The following ATP8B4 variants were observed in gnomAD, a reference collection of about 807,000 sequenced individuals.
The protein encoded by ATP8B4 is ATPase phospholipid transporting 8B4 (putative).
In ATP8B4, 133 loss-of-function variants were observed where a neutral mutation model predicts 145.6. The ratio of observed to expected loss-of-function variants is 0.91; its 90% CI spans 0.79 to 1.05. The LOEUF (loss-of-function observed/expected upper bound fraction) is 1.05. ATP8B4 is among the 50% of genes least tolerant of loss of function. ATP8B4 has a pLI of 0.00. For missense variants in ATP8B4, 1,458 were observed against 1,425.2 expected (o/e 1.02, Z -0.37); for synonymous variants, 507 against 492.9 (o/e 1.03, Z -0.38).
At chr15:50,163,120 C>T (rs2044545732) in intron 1 of ATP8B4, among the ~76,000 whole-genome samples, 1 of 152,240 alleles carries the variant, frequency 6.6e-6, no homozygotes. Context: ...GGGTCGGTCA[C>T]TAGTGCCTTA....
intron 12 of ATP8B4, among the ~76,000 whole-genome samples, chr15:49,977,689 T>C (rs2045792243): frequency 6.6e-6 from 1 of 152,154 alleles, no homozygotes; most frequent in African/African-American, 2.4e-5. Context: ...TATTTTATGG[T>C]ATATTATAGA....
intron 6 of ATP8B4, among the ~76,000 whole-genome samples, chr15:50,034,469 A>C (rs1291978484): frequency 6.6e-6 from 1 of 152,094 alleles, no homozygotes; most frequent in East Asian, 1.9e-4. Context: ...ATCTCAGGTT[A>C]TCCACCTTCT....
chr15:49,958,388 T>C (rs141834725), intron 14 of ATP8B4, among the ~76,000 whole-genome samples: 28 of 151,432 alleles, frequency 1.8e-4, no homozygotes, highest in Admixed American at 5.9e-4. Context: ...AACAAAAAAC[T>C]GTAAGGAACG....
At chr15:49,885,409 T>C (rs1834462313) in intron 23 of ATP8B4, among the ~76,000 whole-genome samples, 1 of 152,216 alleles carries the variant, frequency 6.6e-6, no homozygotes, top group South Asian at 2.1e-4. Flanking sequence ...TATGTCTTTA[T>C]TATCTGTCTT....
At chr15:50,147,312 A>C (rs1404768294) in intron 1 of ATP8B4, among the ~76,000 whole-genome samples, 2 of 151,482 alleles carry the variant, frequency 1.3e-5, no homozygotes, top group Non-Finnish European at 2.9e-5. Flanking sequence ...GCTACTCAGG[A>C]GGCTGAGGCA....
intron 7 of ATP8B4, among the ~76,000 whole-genome samples, chr15:50,006,359 A>G (rs1440302778): frequency 6.6e-6 from 1 of 151,904 alleles, no homozygotes; most frequent in East Asian, 1.9e-4. Context: ...AAATAGATAT[A>G]TATCAGAGAG....
chr15:49,876,266 C>A lies in ATP8B4; in HGVS notation c.3027+12G>T, dbSNP rs367918352. ...ACCCATCAAGTTAAGGTGCTTACACCGACAGCGTTACCTGCACACTGACCA... is the reference window on the plus strand; with the variant it reads ...ACCCATCAAGTTAAGGTGCTTACACAGACAGCGTTACCTGCACACTGACCA... On this transcript the variant is annotated intron_variant, in intron 25 of 27. Coordinates refer to ENST00000284509, the MANE Select transcript of ATP8B4 (RefSeq NM_024837.4). The A allele has an allele frequency of 8.2e-5, 132 of 1,611,948 alleles. No individual in the cohort carries two copies. The highest frequency in any genetic ancestry group is 1.1e-4 in the Non-Finnish European group (126 of 1,178,816).
intron 15 of ATP8B4, among the ~76,000 whole-genome samples, chr15:49,932,913 G>A (rs1235082299): frequency 6.6e-6 from 1 of 151,706 alleles, no homozygotes; most frequent in East Asian, 1.9e-4. Context: ...TAATTGGAAG[G>A]GAAAAAAATA....
chr15:50,180,746 C>T (rs1372696813), intron 1 of ATP8B4, among the ~76,000 whole-genome samples: 1 of 152,076 alleles, frequency 6.6e-6, no homozygotes, highest in Admixed American at 6.6e-5. Flanking sequence ...GATGAAGGCC[C>T]CCAGCTCATC....
chr15:49,865,787 C>A (rs188352929), intron 26 of ATP8B4, among the ~76,000 whole-genome samples: 1 of 152,208 alleles, frequency 6.6e-6, no homozygotes, highest in East Asian at 1.9e-4. Flanking sequence ...AGAAACTTGC[C>A]CAAAGTCACA....
intron 1 of ATP8B4, chr15:50,113,379 T>C (rs1210385141): frequency 1.3e-5 from 2 of 152,070 alleles, no homozygotes; most frequent in African/African-American, 4.8e-5. Context: ...GTTTTGAGTG[T>C]GAGGGTGAGG....
In ATP8B4 at chr15:50,138,205, T is replaced by C. The variant is rs190233949; in HGVS notation, c.-42-31197A>G. 7.2e-5 allele frequency among the ~76,000 whole-genome samples: 11 copies of C among 152,240 alleles called. No homozygotes were observed. In the East Asian group the frequency reaches 2.1e-3, roughly 29 times the overall value. ...TGTGTCTACCTTGGGACTCAATCCT[T>C]CTGTTTCCAGGAATTTACACTAAGG... On this transcript the variant is annotated intron_variant, in intron 1 of 3. Transcript: ENST00000558829.
chr15:49,885,953 T>G (rs2036135086), intron 23 of ATP8B4: 1 of 151,952 alleles, frequency 6.6e-6, no homozygotes, highest in South Asian at 2.1e-4. Flanking sequence ...GGAGGGGGAG[T>G]GGGCAGGTCT....
chr15:50,084,044 G>T (rs1191549253), intron 2 of ATP8B4, among the ~76,000 whole-genome samples: 1 of 152,162 alleles, frequency 6.6e-6, no homozygotes, highest in Non-Finnish European at 1.5e-5. Flanking sequence ...ATCCCTGCCT[G>T]TCCCAGGCAG....
At chr15:49,996,964 G>A (rs975817845) in intron 8 of ATP8B4, among the ~76,000 whole-genome samples, 1 of 152,028 alleles carries the variant, frequency 6.6e-6, no homozygotes. Context: ...TTCTACCCAC[G>A]GCACATCTTT....
At chr15:50,070,293 C>A (rs536345822) in intron 3 of ATP8B4, among the ~76,000 whole-genome samples, 18 of 151,846 alleles carry the variant, frequency 1.2e-4, no homozygotes, top group African/African-American at 4.1e-4. Context: ...AAAGGATATT[C>A]CGTTTAGGGG....
intron 20 of ATP8B4, among the ~76,000 whole-genome samples, chr15:49,902,902 C>T (rs886576587): frequency 3.3e-5 from 5 of 152,148 alleles, no homozygotes; most frequent in African/African-American, 7.2e-5. Flanking sequence ...AGTTCTCACT[C>T]GCTGTATAAA....
At chr15:49,938,173 G>C (rs953803768) in intron 14 of ATP8B4, among the ~76,000 whole-genome samples, 1 of 152,150 alleles carries the variant, frequency 6.6e-6, no homozygotes, top group Admixed American at 6.6e-5. Context: ...ATGTGAGAAA[G>C]TGAGTGTGGC....
intron 23 of ATP8B4, among the ~76,000 whole-genome samples, chr15:49,894,366 G>T: frequency 6.6e-6 from 1 of 152,240 alleles, no homozygotes; most frequent in East Asian, 1.9e-4. Flanking sequence ...TAAGGTCATC[G>T]TACAAATCGG....
Sources: gnomAD v4.1 joint callset for allele counts (sites outside exome capture counted in the v4.1 genomes callset) on GRCh38, gnomAD v4.1.1 for gene constraint, MANE v1.5 for transcripts, NCBI Gene and HGNC (gene_info 2026-07-23, HGNC 2026-07-21) for gene names.